Variants in PRLR observed in about 807,000 individuals in gnomAD.
PRLR encodes the protein hPRL receptor.
A neutral mutation model predicts 40.2 loss-of-function variants in PRLR; 13 were observed. The observed-to-expected ratio is 0.32, with a 90% CI of 0.21 to 0.51. The LOEUF (loss-of-function observed/expected upper bound fraction) is 0.51, where lower values mean the gene tolerates loss of function less well. Ranked by LOEUF, PRLR falls within the 20% of genes least tolerant of loss-of-function variation. PRLR has a pLI of 0.97. For synonymous variants in PRLR, 269 were observed against 278.7 expected (o/e 0.97, Z 0.35); for missense variants, 656 against 747.3 (o/e 0.88, Z 1.42).
chr5:35,050,893 C>T (rs947760822), downstream of PRLR, among the ~76,000 whole-genome samples: 1 of 152,142 alleles, frequency 6.6e-6, no homozygotes, highest in Non-Finnish European at 1.5e-5. Context: ...TACAGGTGTT[C>T]CATTTCACAG....
At chr5:35,209,204 A>C (rs1037158182) in intron 1 of PRLR, among the ~76,000 whole-genome samples, 1 of 152,050 alleles carries the variant, frequency 6.6e-6, no homozygotes, top group African/African-American at 2.4e-5. Flanking sequence ...TTCATTCTAG[A>C]ATGCCAAAAA....
At chr5:35,084,916 T>C (rs1438163465) in intron 4 of PRLR, among the ~76,000 whole-genome samples, 1 of 152,144 alleles carries the variant, frequency 6.6e-6, no homozygotes. Context: ...GGGACCTATA[T>C]TCCCTGCTGA....
intron 2 of PRLR, among the ~76,000 whole-genome samples, chr5:35,090,582 TTTGTTGTTG>T (rs146987418): frequency 1.7e-4 from 25 of 151,264 alleles, no homozygotes; most frequent in South Asian, 6.3e-4. Context: ...ATTGTTTCAT[TTTGTTGTTG>T]TTGTTGTTGT....
intron 2 of PRLR, 71 bp downstream of exon 2, chr5:35,117,990 G>A: frequency 1.2e-6 from 1 of 810,480 alleles, no homozygotes; most frequent in Non-Finnish European, 1.5e-6. Context: ...TTGAGCCCCT[G>A]CCCTGGATGA....
chr5:35,065,003 G>T lies in PRLR; in HGVS notation c.*86C>A. 7.0e-7 allele frequency: 1 copy of T among 1,437,422 alleles called. No homozygotes were observed. The highest frequency in any genetic ancestry group is 9.4e-7 in the Non-Finnish European group (1 of 1,061,360). 89.0% of individuals were successfully genotyped at this position (1,437,422 alleles called of 1,614,324 possible). On this transcript the variant is annotated 3_prime_UTR_variant, in exon 10 of 10. Coordinates refer to ENST00000618457, the MANE Select transcript of PRLR (RefSeq NM_000949.7). ...CTGGGAGCTTTAGTAGTGTCAGTCTGACTACATTCTTGAGCATTTCACGTA... is the reference window on the plus strand; with the variant it reads ...CTGGGAGCTTTAGTAGTGTCAGTCTTACTACATTCTTGAGCATTTCACGTA...
chr5:35,228,040 A>G (rs1447820615), intron 1 of PRLR, among the ~76,000 whole-genome samples: 3 of 152,140 alleles, frequency 2.0e-5, no homozygotes, highest in Non-Finnish European at 4.4e-5. Context: ...TTTTGTGCAT[A>G]ACTAGACCAG....
At chr5:35,112,968 T>C (rs1772754149) in intron 2 of PRLR, among the ~76,000 whole-genome samples, 1 of 152,172 alleles carries the variant, frequency 6.6e-6, no homozygotes, top group African/African-American at 2.4e-5. Context: ...CCAGAGCAAC[T>C]TGTGGGGAAG....
chr5:35,223,795 A>G (rs1019299716), intron 1 of PRLR, among the ~76,000 whole-genome samples: 2 of 152,264 alleles, frequency 1.3e-5, no homozygotes, highest in African/African-American at 4.8e-5. Flanking sequence ...CCTCCAGAGC[A>G]AGAACCATGT....
rs13156190 is a variant in PRLR at position 35,106,097 on chromosome 5, C to G, written c.-44+11964G>C. 3.5e-3 allele frequency among the ~76,000 whole-genome samples: 528 copies of G among 152,116 alleles called. 3 individuals carry two copies. Among genetic ancestry groups the G allele is most frequent in the African/African-American group, 0.011 (453 of 41,434 alleles). On this transcript the variant is annotated intron_variant, in intron 2 of 9. Transcript: ENST00000618457. Reference sequence around the variant, plus strand: ...CAACATTCTTAAAGAAAAGAATTTTCAACCCAGAATTTCATATCCAGCCAA... The same window carrying G: ...CAACATTCTTAAAGAAAAGAATTTTGAACCCAGAATTTCATATCCAGCCAA...
At chr5:35,200,497 C>A (rs569185699) in intron 1 of PRLR, among the ~76,000 whole-genome samples, 19 of 152,198 alleles carry the variant, frequency 1.2e-4, no homozygotes, top group Non-Finnish European at 2.6e-4. Context: ...TCGTGAAGGG[C>A]ACTCTAATTT....
At chr5:35,155,776 C>T (rs1774477741) in intron 1 of PRLR, among the ~76,000 whole-genome samples, 1 of 152,188 alleles carries the variant, frequency 6.6e-6, no homozygotes, top group Non-Finnish European at 1.5e-5. Context: ...TAGTTTTAGG[C>T]TCTCACCTTT....
intron 1 of PRLR, among the ~76,000 whole-genome samples, chr5:35,213,572 C>T (rs1173899035): frequency 6.6e-6 from 1 of 152,108 alleles, no homozygotes; most frequent in Non-Finnish European, 1.5e-5. Flanking sequence ...ATGAACGTTT[C>T]CTTTCTATAC....
intron 5 of PRLR, chr5:35,081,097 G>A (rs1770483121): frequency 6.6e-6 from 1 of 151,706 alleles, no homozygotes. Flanking sequence ...TGTAAATGAT[G>A]AGTTAATGGT....
At position 35,193,899 on chromosome 5, in the gene PRLR, C is replaced by CT. The variant is rs549314957; in HGVS notation, c.-106+36368dup. 8.5e-5 allele frequency among the ~76,000 whole-genome samples: 13 copies of CT among 152,230 alleles called. No homozygotes were observed. In the East Asian group the frequency reaches 1.9e-3, roughly 23 times the overall value. ...GATTCTTACTCTGAGGCAAGAATGC[C>CT]TTTTTTTAAACTGGCATGTTAGATT... On this transcript the variant is annotated intron_variant, in intron 1 of 9. Coordinates refer to ENST00000618457, the MANE Select transcript of PRLR (RefSeq NM_000949.7).
At chr5:35,130,601 T>C (rs1414095331) in intron 1 of PRLR, among the ~76,000 whole-genome samples, 1 of 152,132 alleles carries the variant, frequency 6.6e-6, no homozygotes, top group African/African-American at 2.4e-5. Context: ...AGCTCTAAAT[T>C]ATGTAAAATC....
chr5:35,111,220 A>G (rs1265166783), intron 2 of PRLR, among the ~76,000 whole-genome samples: 1 of 152,200 alleles, frequency 6.6e-6, no homozygotes, highest in Non-Finnish European at 1.5e-5. Flanking sequence ...TGCCTTTTCC[A>G]TCTTGGATGG....
chr5:35,214,139 T>C (rs1411806611), intron 1 of PRLR, among the ~76,000 whole-genome samples: 1 of 152,242 alleles, frequency 6.6e-6, no homozygotes, highest in African/African-American at 2.4e-5. Flanking sequence ...AATTGTACAC[T>C]GCCCAGCTGG....
At chr5:35,120,756 T>C (rs1303898687) in intron 1 of PRLR, among the ~76,000 whole-genome samples, 1 of 152,218 alleles carries the variant, frequency 6.6e-6, no homozygotes, top group Non-Finnish European at 1.5e-5. Flanking sequence ...TGGAGTACTG[T>C]GCTCATTTCC....
At chr5:35,205,697 G>A (rs1181648128) in intron 1 of PRLR, among the ~76,000 whole-genome samples, 1 of 152,158 alleles carries the variant, frequency 6.6e-6, no homozygotes, top group African/African-American at 2.4e-5. Context: ...TACCAAAGAT[G>A]ATGACTTTTT....
Sources: allele counts gnomAD v4.1 joint callset (sites outside exome capture counted in the v4.1 genomes callset), GRCh38; gene constraint gnomAD v4.1.1; transcripts MANE v1.5; gene names NCBI Gene and HGNC (gene_info 2026-07-23, HGNC 2026-07-21).